Variants in METTL15 observed in about 807,000 individuals in gnomAD.
The protein encoded by METTL15 is methyltransferase 15, mitochondrial 12S rRNA N4-cytidine.
In METTL15, 34 loss-of-function variants were observed where a neutral mutation model predicts 38.3. The observed-to-expected ratio is 0.89, with a 90% confidence interval of 0.68 to 1.18. The LOEUF (loss-of-function observed/expected upper bound fraction) is 1.18. Ranked by LOEUF, METTL15 falls within the 50% of genes most tolerant of loss-of-function variation. METTL15 has a pLI of 0.00. For synonymous variants in METTL15, 162 were observed against 170.9 expected (o/e 0.95, Z 0.41); for missense variants, 438 against 498.4 (o/e 0.88, Z 1.15).
At chr11:28,373,619 T>G (rs1307575912) in intron 5 of METTL15, among the ~76,000 whole-genome samples, 2 of 152,180 alleles carry the variant, frequency 1.3e-5, no homozygotes, top group East Asian at 3.9e-4. Context: ...CTCTTTAGTT[T>G]AATTAGTTTA....
At chr11:28,443,284 C>T (rs1262114565) in intron 6 of METTL15, among the ~76,000 whole-genome samples, 3 of 151,828 alleles carry the variant, frequency 2.0e-5, no homozygotes, top group Non-Finnish European at 2.9e-5. Flanking sequence ...GAGGCATAGC[C>T]GCCTCTCGTT....
chr11:28,362,898 G>A (rs1257203839), intron 5 of METTL15, among the ~76,000 whole-genome samples: 1 of 152,136 alleles, frequency 6.6e-6, no homozygotes, highest in African/African-American at 2.4e-5. Flanking sequence ...CAAATGAACA[G>A]AGGTTCTATT....
intron 2 of METTL15, 133 bp from the exon 3 acceptor site, chr11:28,113,185 T>A (rs932103008): frequency 1.7e-6 from 1 of 604,878 alleles, no homozygotes; most frequent in Non-Finnish European, 2.8e-6. Context: ...CCTTTACTTG[T>A]TTAAGATGTT....
At chr11:28,440,230 G>A (rs1851022599) in intron 6 of METTL15, among the ~76,000 whole-genome samples, 1 of 152,076 alleles carries the variant, frequency 6.6e-6, no homozygotes, top group Non-Finnish European at 1.5e-5. Flanking sequence ...AGGGAACTAA[G>A]ACCTAGAGGA....
At chr11:28,138,128 T>TC (rs398015664) in intron 3 of METTL15, among the ~76,000 whole-genome samples, 3 of 151,898 alleles carry the variant, frequency 2.0e-5, no homozygotes, top group Admixed American at 6.6e-5. Flanking sequence ...TTTTTTTTTT[T>TC]CCAAAATGGG....
intron 4 of METTL15, among the ~76,000 whole-genome samples, chr11:28,231,063 T>A (rs1338419785): frequency 6.6e-6 from 1 of 151,942 alleles, no homozygotes; most frequent in Non-Finnish European, 1.5e-5. Flanking sequence ...ATATACATTC[T>A]TATTTTCTCT....
At chr11:28,316,263 C>T (rs933435028) in intron 6 of METTL15, among the ~76,000 whole-genome samples, 7 of 152,168 alleles carry the variant, frequency 4.6e-5, no homozygotes, top group African/African-American at 1.4e-4. Flanking sequence ...ATCAGTGTGA[C>T]CTGGATGTGA....
At chr11:28,111,425 A>G (rs1427952381) in intron 2 of METTL15, among the ~76,000 whole-genome samples, 2 of 152,214 alleles carry the variant, frequency 1.3e-5, no homozygotes, top group Non-Finnish European at 2.9e-5. Flanking sequence ...TACGTTCATT[A>G]CTGGGAACCC....
At chr11:28,453,937 G>T (rs1036506291) in intron 6 of METTL15, among the ~76,000 whole-genome samples, 9 of 152,178 alleles carry the variant, frequency 5.9e-5, no homozygotes, top group African/African-American at 2.2e-4. Context: ...AGGAAAAAGA[G>T]TCACACTTCA....
intron 4 of METTL15, among the ~76,000 whole-genome samples, chr11:28,356,164 T>G (rs1457530036): frequency 6.6e-6 from 1 of 152,240 alleles, no homozygotes; most frequent in African/African-American, 2.4e-5. Context: ...AAGTTGCCTT[T>G]GCTGGATATT....
intron 3 of METTL15, among the ~76,000 whole-genome samples, chr11:28,202,081 A>G (rs1269135810): frequency 6.6e-6 from 1 of 152,098 alleles, no homozygotes; most frequent in African/African-American, 2.4e-5. Flanking sequence ...GTGACATGCT[A>G]AAGTTTTATG....
At chr11:28,493,279 G>A (rs145406132) in intron 6 of METTL15, among the ~76,000 whole-genome samples, 47 of 152,248 alleles carry the variant, frequency 3.1e-4, no homozygotes, top group African/African-American at 1.1e-3. Flanking sequence ...AGAATCAGGA[G>A]TGAGCCTCCC....
chr11:28,201,866 C>T (rs1387586137), intron 3 of METTL15, among the ~76,000 whole-genome samples: 1 of 152,062 alleles, frequency 6.6e-6, no homozygotes, highest in Non-Finnish European at 1.5e-5. Flanking sequence ...TGAGAGAAGA[C>T]ATGAGACATC....
At chr11:28,301,805 A>G (rs1270713965) in intron 6 of METTL15, among the ~76,000 whole-genome samples, 1 of 152,198 alleles carries the variant, frequency 6.6e-6, no homozygotes, top group Non-Finnish European at 1.5e-5. Flanking sequence ...CATCAAGATT[A>G]TAAGCCCTGC....
chr11:28,276,269 A>G (rs564088441), intron 4 of METTL15, among the ~76,000 whole-genome samples: 41 of 152,284 alleles, frequency 2.7e-4, no homozygotes, highest in African/African-American at 9.6e-4. Flanking sequence ...AAATTAGCAT[A>G]CAAAAGTCAG....
At chr11:28,190,987 G>A (rs1851680010) in intron 3 of METTL15, among the ~76,000 whole-genome samples, 1 of 151,218 alleles carries the variant, frequency 6.6e-6, no homozygotes, top group South Asian at 2.1e-4. Flanking sequence ...ATAACACTGA[G>A]CCTACTAATA....
exon 6 of METTL15, chr11:28,424,357 T>C (rs960306848): frequency 2.6e-5 from 4 of 152,092 alleles, no homozygotes. Flanking sequence ...TGTCTGCTGG[T>C]GCTTAAGGTG....
chr11:28,186,516 A>C (rs1851498839), intron 3 of METTL15, among the ~76,000 whole-genome samples: 2 of 151,136 alleles, frequency 1.3e-5, no homozygotes, highest in Non-Finnish European at 3.0e-5. Context: ...CTTGGGATAA[A>C]AATAGTGTAT....
chr11:28,387,183 G>A (rs1850449475), intron 5 of METTL15, among the ~76,000 whole-genome samples: 1 of 151,668 alleles, frequency 6.6e-6, no homozygotes, highest in Non-Finnish European at 1.5e-5. Flanking sequence ...AAAGTTAGCA[G>A]AAGAAATGAG....
Sources: gnomAD v4.1 joint callset for allele counts (sites outside exome capture counted in the v4.1 genomes callset) on GRCh38, gnomAD v4.1.1 for gene constraint, MANE v1.5 for transcripts, NCBI Gene and HGNC (gene_info 2026-07-23, HGNC 2026-07-21) for gene names.